Variants in AGPAT3 observed in about 807,000 individuals in gnomAD.
The protein encoded by AGPAT3 is 1-acyl-sn-glycerol-3-phosphate acyltransferase gamma.
In AGPAT3, 5 loss-of-function variants were observed where a neutral mutation model predicts 47.3. That is an observed-to-expected ratio of 0.11 (90% confidence interval 0.06 to 0.22). The LOEUF is 0.22. Ranked by LOEUF, AGPAT3 falls within the 10% of genes least tolerant of loss-of-function variation. AGPAT3 has a pLI of 1.00. For missense variants in AGPAT3, 315 were observed against 493.0 expected, an observed-to-expected ratio of 0.64 and a Z score of 3.42; for synonymous variants, 212 against 208.3, an observed-to-expected ratio of 1.02 and a Z score of -0.15.
intron 1 of AGPAT3, among the ~76,000 whole-genome samples, chr21:43,887,815 C>T (rs929931428): frequency 6.6e-6 from 1 of 152,182 alleles, no homozygotes; most frequent in African/African-American, 2.4e-5. Flanking sequence ...CCATCACACC[C>T]ACTGACTTTT....
Position 43,932,502 on chromosome 21 carries a change from C to T in AGPAT3, c.-48-27132C>T, listed in dbSNP as rs988249722. Among the ~76,000 whole-genome samples, 6 of 152,218 alleles carry T rather than the reference C, an allele frequency of 3.9e-5. No homozygotes were observed. The highest frequency in any genetic ancestry group is 1.9e-4 in the East Asian group (1 of 5,204). ...ACGCACCGCACGCTCGCTATCCATT[C>T]GTCTGTTGGTGGGCACCTGGGCTGC... On this transcript the variant is annotated intron_variant, in intron 2 of 9. Transcript: ENST00000291572. The surrounding 1 kb of genome is among the most constrained non-coding windows in gnomAD (Gnocchi z 5.2).
intron 1 of AGPAT3, among the ~76,000 whole-genome samples, chr21:43,868,371 A>G (rs758507143): frequency 6.6e-6 from 1 of 152,062 alleles, no homozygotes; most frequent in African/African-American, 2.4e-5. Flanking sequence ...GACTGGCAGA[A>G]ATCTACCTCC....
At chr21:43,918,234 G>A (rs1466788221) in intron 2 of AGPAT3, among the ~76,000 whole-genome samples, 4 of 151,938 alleles carry the variant, frequency 2.6e-5, no homozygotes, top group Non-Finnish European at 5.9e-5. Context: ...TGTGGGTGTT[G>A]TGGGTGTTGT....
chr21:43,986,997 C>T lies in AGPAT3; in HGVS notation c.*4605C>T, dbSNP rs56798348. ...GCCTGGCTGCGTTTGCCGTGCTGTG[C>T]GAGGACCTGTGTACACAGGCAGGTG... On this transcript the variant is annotated 3_prime_UTR_variant, in exon 10 of 10. Coordinates refer to ENST00000291572, the MANE Select transcript of AGPAT3 (RefSeq NM_020132.5). 0.011 allele frequency among the ~76,000 whole-genome samples: 1,663 copies of T among 152,308 alleles called. 36 individuals carry two copies. Among genetic ancestry groups the T allele is most frequent in the African/African-American group, 0.038 (1,561 of 41,552 alleles).
chr21:43,980,555 T>G (rs536436494), intron 8 of AGPAT3, among the ~76,000 whole-genome samples: 3 of 152,312 alleles, frequency 2.0e-5, no homozygotes, highest in Non-Finnish European at 2.9e-5. Flanking sequence ...TTAAGGAACT[T>G]TCCTTGGGCC....
At chr21:43,876,520 C>T (rs1052276339) in intron 1 of AGPAT3, among the ~76,000 whole-genome samples, 1 of 152,204 alleles carries the variant, frequency 6.6e-6, no homozygotes, top group Non-Finnish European at 1.5e-5. Flanking sequence ...GGCTGATTTC[C>T]TGGGCTCACA....
chr21:43,881,470 A>AT (rs1569043346), intron 1 of AGPAT3, among the ~76,000 whole-genome samples: 1 of 152,234 alleles, frequency 6.6e-6, no homozygotes, highest in Non-Finnish European at 1.5e-5. Context: ...GGCATGAGCC[A>AT]TGCAGCCCAC....
chr21:43,928,371 C>T (rs961639201), intron 2 of AGPAT3, among the ~76,000 whole-genome samples: 2 of 152,168 alleles, frequency 1.3e-5, no homozygotes, highest in Non-Finnish European at 2.9e-5. Context: ...CCCGTCATTC[C>T]GGGGGGCAGC....
chr21:43,911,384 A>G (rs1257586437), intron 2 of AGPAT3, among the ~76,000 whole-genome samples: 1 of 151,910 alleles, frequency 6.6e-6, no homozygotes, highest in Non-Finnish European at 1.5e-5. Context: ...AAAGTGTCCT[A>G]GAGCTGCGCT....
At chr21:43,870,942 C>T (rs368597152) in intron 1 of AGPAT3, among the ~76,000 whole-genome samples, 7 of 152,220 alleles carry the variant, frequency 4.6e-5, no homozygotes, top group African/African-American at 1.2e-4. Flanking sequence ...CCTGACCACC[C>T]GCTACTGACC....
intron 1 of AGPAT3, among the ~76,000 whole-genome samples, chr21:43,879,013 T>C (rs1047201140): frequency 6.6e-6 from 1 of 152,198 alleles, no homozygotes; most frequent in African/African-American, 2.4e-5. Flanking sequence ...GTGCTAGGAT[T>C]ACAGGTGTGA....
intron 2 of AGPAT3, among the ~76,000 whole-genome samples, chr21:43,941,178 A>G (rs2087641508): frequency 6.6e-6 from 1 of 152,160 alleles, no homozygotes; most frequent in Non-Finnish European, 1.5e-5. Flanking sequence ...ATTTCCTAGG[A>G]AGAGACCACA....
At chr21:43,941,490 T>C (rs1383080476) in intron 2 of AGPAT3, among the ~76,000 whole-genome samples, 21 of 152,208 alleles carry the variant, frequency 1.4e-4, no homozygotes, top group Non-Finnish European at 2.4e-4. Flanking sequence ...AAGGCCACAG[T>C]GAGCTGTGAT....
chr21:43,898,824 G>A (rs915192287), intron 1 of AGPAT3, among the ~76,000 whole-genome samples: 1 of 152,154 alleles, frequency 6.6e-6, no homozygotes, highest in Non-Finnish European at 1.5e-5. Flanking sequence ...ACCACACCCA[G>A]CCTGTGTATT....
Position 43,893,135 on chromosome 21 carries a change from C to T in AGPAT3, c.-111-10822C>T, listed in dbSNP as rs138760406. Among the ~76,000 whole-genome samples, 94 of 152,310 alleles carry T rather than the reference C, an allele frequency of 6.2e-4. 1 individual carries two copies. The highest frequency in any genetic ancestry group is 2.1e-3 in the African/African-American group (88 of 41,568). On this transcript the variant is annotated intron_variant, in intron 1 of 9. Coordinates refer to ENST00000291572, the MANE Select transcript of AGPAT3 (RefSeq NM_020132.5). ...ATCTATTGTTGAGTGTGGCCACCTT[C>T]ATCAGTGATCTTAGCTCCATCTGCA...
chr21:43,949,180 T>C (rs1485670556), intron 2 of AGPAT3, among the ~76,000 whole-genome samples: 1 of 152,182 alleles, frequency 6.6e-6, no homozygotes, highest in Non-Finnish European at 1.5e-5. Context: ...AGGATTCAGT[T>C]ATATATTTAG....
chr21:43,882,148 G>A (rs2085867217), intron 1 of AGPAT3, among the ~76,000 whole-genome samples: 1 of 152,260 alleles, frequency 6.6e-6, no homozygotes, highest in East Asian at 1.9e-4. Flanking sequence ...TGTGCCCAGG[G>A]CTGAGGGAGT....
At chr21:43,917,914 G>A (rs1303462541) in intron 2 of AGPAT3, among the ~76,000 whole-genome samples, 1 of 107,066 alleles carries the variant, frequency 9.3e-6, no homozygotes, top group East Asian at 3.2e-4. Context: ...TGTTGTGGGT[G>A]TTGTAGGGGG....
chr21:43,936,067 C>T (rs1171521467), intron 2 of AGPAT3, among the ~76,000 whole-genome samples: 2 of 152,236 alleles, frequency 1.3e-5, no homozygotes, highest in Non-Finnish European at 2.9e-5. Context: ...CCCTGGCCCC[C>T]ACACCTGCAG....
Sources: gnomAD v4.1 joint callset for allele counts (sites outside exome capture counted in the v4.1 genomes callset) on GRCh38, gnomAD v4.1.1 for gene constraint, Gnocchi (gnomAD v3.1) non-coding constraint, MANE v1.5 for transcripts, NCBI Gene and HGNC (gene_info 2026-07-23, HGNC 2026-07-21) for gene names.